The following CREM variants were observed in gnomAD, a reference collection of about 807,000 sequenced individuals.
CREM encodes cAMP-responsive element modulator.
In CREM, 13 loss-of-function variants were observed where a neutral mutation model predicts 37.3. The observed-to-expected ratio is 0.35, with a 90% CI of 0.23 to 0.55. CREM has a LOEUF of 0.55. Among genes scored for constraint, CREM ranks in the 20% least tolerant of loss-of-function variants. The probability of loss-of-function intolerance (pLI) is 0.88; values close to 1 mark genes in which losing one functional copy is unlikely to be tolerated. For missense variants in CREM, 296 were observed against 362.3 expected (o/e 0.82, Z 1.49); for synonymous variants, 124 against 120.2 (o/e 1.03, Z -0.21).
chr10:35,179,783 A>G (rs2094274285), intron 5 of CREM: 1 of 152,520 alleles, frequency 6.6e-6, no homozygotes, highest in Non-Finnish European at 1.5e-5. Flanking sequence ...TAGCAATTGG[A>G]TAGATAATTT....
chr10:35,200,428 A>G (rs945064649), intron 6 of CREM, among the ~76,000 whole-genome samples: 1 of 152,228 alleles, frequency 6.6e-6, no homozygotes, highest in African/African-American at 2.4e-5. Context: ...TTGAGTATAT[A>G]CAGTTTTTGT....
intron 2 of CREM, among the ~76,000 whole-genome samples, chr10:35,139,321 T>C (rs2091099737): frequency 6.6e-6 from 1 of 152,128 alleles, no homozygotes; most frequent in South Asian, 2.1e-4. Context: ...AGTTTCACCA[T>C]ATTGACCAAG....
chr10:35,176,219 G>A (rs1403434070), intron 3 of CREM, among the ~76,000 whole-genome samples: 1 of 152,088 alleles, frequency 6.6e-6, no homozygotes, highest in African/African-American at 2.4e-5. Flanking sequence ...CTTTTCATTT[G>A]GGGACTGAGT....
Position 35,177,077 on chromosome 10 carries a change from C to CA in CREM, c.169-1801dup, listed in dbSNP as rs11343403. On this transcript the variant is annotated intron_variant, in intron 3 of 7. Transcript: ENST00000685392. ...GAAATTATTTGAACCTAATTGATGA[C>CA]AAAAAAAAAAATCTGTGAGGAAAAT... 3.7e-4 allele frequency among the ~76,000 whole-genome samples: 54 copies of CA among 145,546 alleles called. No individual in the cohort carries two copies. The East Asian group carries it at 5.7e-3, about 15-fold the overall frequency.
intron 6 of CREM, among the ~76,000 whole-genome samples, chr10:35,202,963 G>A (rs1588804518): frequency 6.6e-6 from 1 of 152,288 alleles, no homozygotes; most frequent in East Asian, 1.9e-4. Context: ...GGTCCCTTGA[G>A]GGTGGTTGTT....
chr10:35,158,826 T>G (rs957886470), intron 3 of CREM, among the ~76,000 whole-genome samples: 5 of 146,822 alleles, frequency 3.4e-5, no homozygotes, highest in Non-Finnish European at 3.0e-5. Flanking sequence ...TGTTTGTTTT[T>G]TTTTTTTTTT....
chr10:35,168,540 C>T (rs1371481876), intron 3 of CREM, among the ~76,000 whole-genome samples: 2 of 152,114 alleles, frequency 1.3e-5, no homozygotes, highest in Admixed American at 6.6e-5. Context: ...TTTTCCCATT[C>T]TGTAGGTTGC....
At chr10:35,184,188 A>G (rs2094461052) in intron 5 of CREM, among the ~76,000 whole-genome samples, 1 of 152,208 alleles carries the variant, frequency 6.6e-6, no homozygotes, top group Admixed American at 6.5e-5. Context: ...GCTTGAGCCT[A>G]GCAGTTTAAG....
At chr10:35,192,816 A>G (rs2094972169) in intron 6 of CREM, among the ~76,000 whole-genome samples, 1 of 152,216 alleles carries the variant, frequency 6.6e-6, no homozygotes, top group South Asian at 2.1e-4. Flanking sequence ...GCATCCACTC[A>G]AAAGCATCCA....
intron 6 of CREM, 77 bp from the exon 7 acceptor site, chr10:35,206,818 A>G: frequency 2.9e-6 from 4 of 1,356,722 alleles, no homozygotes; most frequent in Non-Finnish European, 4.2e-6. Context: ...AAAGTATATC[A>G]TTTCCAGATC....
chr10:35,209,426 A>G (rs1156620165), intron 7 of CREM: 1 of 930,152 alleles, frequency 1.1e-6, no homozygotes, highest in Non-Finnish European at 1.3e-6. Context: ...GGTGTTTTCC[A>G]TGGCTGAGGA....
chr10:35,187,601 GA>G (rs762028972), intron 5 of CREM, among the ~76,000 whole-genome samples: 40 of 152,182 alleles, frequency 2.6e-4, no homozygotes, highest in Non-Finnish European at 5.3e-4. Context: ...TGACAAATCA[GA>G]AAAGTAGTTA....
chr10:35,141,939 G>A (rs1403473764), intron 2 of CREM, among the ~76,000 whole-genome samples: 1 of 151,992 alleles, frequency 6.6e-6, no homozygotes, highest in Non-Finnish European at 1.5e-5. Context: ...GGAAGATGTT[G>A]TCAACGGTTT....
chr10:35,186,485 T>C (rs1323460339), intron 5 of CREM, among the ~76,000 whole-genome samples: 1 of 151,680 alleles, frequency 6.6e-6, no homozygotes, highest in African/African-American at 2.4e-5. Flanking sequence ...TAGTAACAGT[T>C]ACTTTTTAAG....
chr10:35,162,577 T>TACATCTCCA (rs2093350910), intron 3 of CREM, among the ~76,000 whole-genome samples: 1 of 152,108 alleles, frequency 6.6e-6, no homozygotes, highest in African/African-American at 2.4e-5. Context: ...ATTTAAAAGG[T>TACATCTCCA]ACATCTCCAA....
intron 5 of CREM, 149 bp from the exon 6 acceptor site, chr10:35,188,051 G>C: frequency 1.4e-6 from 1 of 724,852 alleles, no homozygotes; most frequent in Non-Finnish European, 2.2e-6. Flanking sequence ...TGACGAAGCT[G>C]ATCTTCCTTC....
At chr10:35,201,856 T>A (rs1320611984) in intron 6 of CREM, among the ~76,000 whole-genome samples, 1 of 152,204 alleles carries the variant, frequency 6.6e-6, no homozygotes, top group Non-Finnish European at 1.5e-5. Context: ...GCTATAATAA[T>A]GTAAGTTTAT....
At chr10:35,159,419 C>T (rs1431225102) in intron 3 of CREM, among the ~76,000 whole-genome samples, 1 of 152,060 alleles carries the variant, frequency 6.6e-6, no homozygotes, top group Admixed American at 6.6e-5. Flanking sequence ...AGAAATAAAA[C>T]CATGCATTTA....
chr10:35,146,608 G>A (rs1313422340), intron 2 of CREM, among the ~76,000 whole-genome samples: 1 of 152,192 alleles, frequency 6.6e-6, no homozygotes, highest in Non-Finnish European at 1.5e-5. Flanking sequence ...CCTAGAATTG[G>A]AGAGGCCACT....
Sources: allele counts gnomAD v4.1 joint callset (sites outside exome capture counted in the v4.1 genomes callset), GRCh38; gene constraint gnomAD v4.1.1; transcripts MANE v1.5; gene names NCBI Gene and HGNC (gene_info 2026-07-23, HGNC 2026-07-21).